Variants in RXFP1 observed in about 807,000 individuals in gnomAD.
RXFP1 encodes the protein relaxin receptor 1.
A neutral mutation model predicts 89.8 loss-of-function variants in RXFP1; 73 were observed. That is an observed-to-expected ratio of 0.81 (90% CI 0.67 to 0.99). RXFP1 has a LOEUF of 0.99. Among genes scored for constraint, RXFP1 ranks in the 50% least tolerant of loss-of-function variants. The pLI is 0.00. For missense variants in RXFP1, 793 were observed against 895.5 expected, an observed-to-expected ratio of 0.89 and a Z score of 1.46; for synonymous variants, 277 against 305.5, an observed-to-expected ratio of 0.91 and a Z score of 0.97.
In RXFP1 at chr4:158,544,867, T is replaced by C. The variant is rs1249134270; in HGVS notation, c.49+22842T>C. Among the ~76,000 whole-genome samples, 6 of 152,370 alleles carry C rather than the reference T, an allele frequency of 3.9e-5. No individual in the cohort carries two copies. The South Asian group carries it at 1.0e-3, about 26-fold the overall frequency. ...TATCATTGATGGACATTTGGGTTGA[T>C]TCCAAGTCCTTGCTATTGTGAATAG... is the stretch of plus-strand genomic sequence containing the variant. On this transcript the variant is annotated intron_variant, in intron 1 of 17. Coordinates refer to ENST00000307765, the MANE Select transcript of RXFP1 (RefSeq NM_021634.4).
intron 8 of RXFP1, among the ~76,000 whole-genome samples, chr4:158,616,625 T>G (rs1764626218): frequency 6.7e-6 from 1 of 149,746 alleles, no homozygotes; most frequent in Admixed American, 6.6e-5. Flanking sequence ...TTGTTAAAAT[T>G]TTATTACTAT....
chr4:158,535,165 A>G (rs891252602), intron 1 of RXFP1, among the ~76,000 whole-genome samples: 1 of 152,072 alleles, frequency 6.6e-6, no homozygotes, highest in Non-Finnish European at 1.5e-5. Context: ...GCGCAAGGTC[A>G]TGGAGACAGG....
rs57989269 is a variant in RXFP1, at chr4:158,638,811, CA to C, written c.1044-433del. Among the ~76,000 whole-genome samples the C allele has an allele frequency of 7.9e-3, 1,009 of 128,028 alleles. 11 individuals carry two copies. Among genetic ancestry groups the C allele is most frequent in the African/African-American group, 0.028 (912 of 33,064 alleles). 84.0% of individuals were successfully genotyped at this position (128,028 alleles called of 152,430 possible). The stretch of plus-strand genomic sequence containing the variant: ...TGGGCAACAGAGGAAGACCCTGTCT[CA>C]AAAAAAAAAAAAAAAGGTAAGCTTC... On this transcript the variant is annotated intron_variant, in intron 13 of 17. Coordinates refer to ENST00000307765, the MANE Select transcript of RXFP1 (RefSeq NM_021634.4).
rs770926999 is a variant in RXFP1, at chr4:158,572,792, C to T, written c.144C>T (p.Asn48=). ...TKCLPQLLHC[N]GVDDCGNQAD... is the part of the protein sequence containing the mutation. Reference sequence around the variant, plus strand: ...GCTTGCCTCAGCTCCTGCACTGTAACGGTGTGGACGACTGCGGGAATCAGG... The same window carrying T: ...GCTTGCCTCAGCTCCTGCACTGTAATGGTGTGGACGACTGCGGGAATCAGG... Residue 48 remains asparagine, a synonymous_variant, in exon 2 of 18, where the codon AAC becomes AAT. Transcript: ENST00000307765. 5 of 1,614,078 alleles carry T rather than the reference C, an allele frequency of 3.1e-6. No homozygotes were observed. Among genetic ancestry groups the T allele is most frequent in the South Asian group, 2.2e-5 (2 of 91,088 alleles).
intron 6 of RXFP1, among the ~76,000 whole-genome samples, chr4:158,610,322 T>A (rs1366551819): frequency 6.6e-6 from 1 of 152,124 alleles, no homozygotes; most frequent in Non-Finnish European, 1.5e-5. Context: ...AAACAATGAT[T>A]AGATCCATAA....
In RXFP1 at chr4:158,544,975, G is replaced by C. The variant is rs554783958; in HGVS notation, c.49+22950G>C. 9.8e-3 allele frequency among the ~76,000 whole-genome samples: 1,492 copies of C among 151,980 alleles called. 24 individuals carry two copies. The highest frequency in any genetic ancestry group is 0.033 in the African/African-American group (1,379 of 41,422). On this transcript the variant is annotated intron_variant, in intron 1 of 17. Coordinates refer to ENST00000307765, the MANE Select transcript of RXFP1 (RefSeq NM_021634.4). ...TGGGTATATACCCAGTAATGGGATG[G>C]CTGGGTCAAATGGTATTTCTAGTTC...
intron 2 of RXFP1, among the ~76,000 whole-genome samples, chr4:158,577,234 T>A (rs988158596): frequency 6.6e-6 from 1 of 152,138 alleles, no homozygotes; most frequent in African/African-American, 2.4e-5. Flanking sequence ...TGATGGGGTT[T>A]CACCATGTTA....
intron 1 of RXFP1, among the ~76,000 whole-genome samples, chr4:158,540,318 C>T (rs1403886994): frequency 6.6e-6 from 1 of 152,050 alleles, no homozygotes; most frequent in East Asian, 1.9e-4. Context: ...CAGGCAATTC[C>T]CAAAACTGAA....
chr4:158,542,293 C>G (rs762846426), intron 1 of RXFP1, among the ~76,000 whole-genome samples: 17 of 151,032 alleles, frequency 1.1e-4, no homozygotes, highest in Non-Finnish European at 2.4e-4. Flanking sequence ...TTGCATTCAG[C>G]GGCCGCAGCT....
At chr4:158,605,210 C>T in intron 5 of RXFP1, 71 bp downstream of exon 5, 1 of 823,466 alleles carries the variant, frequency 1.2e-6, no homozygotes, top group Non-Finnish European at 2.0e-6. Flanking sequence ...CTTCCTACTT[C>T]TGTGAACACC....
At chr4:158,646,024 G>A (rs1176810220) in intron 15 of RXFP1, among the ~76,000 whole-genome samples, 1 of 152,154 alleles carries the variant, frequency 6.6e-6, no homozygotes, top group African/African-American at 2.4e-5. Context: ...GATTTATACA[G>A]TGATGTGATT....
intron 10 of RXFP1, among the ~76,000 whole-genome samples, chr4:158,628,208 G>A (rs570277638): frequency 2.6e-5 from 4 of 152,168 alleles, no homozygotes; most frequent in Admixed American, 1.3e-4. Context: ...GCTAAGAGTG[G>A]ACTTCCTTAG....
At chr4:158,603,762 C>T (rs922806113) in intron 4 of RXFP1, among the ~76,000 whole-genome samples, 23 of 151,666 alleles carry the variant, frequency 1.5e-4, no homozygotes, top group South Asian at 1.2e-3. Flanking sequence ...TGGTGGCGCA[C>T]GCCTGTAATC....
chr4:158,600,735 G>A (rs1761524748), intron 4 of RXFP1, among the ~76,000 whole-genome samples: 1 of 151,992 alleles, frequency 6.6e-6, no homozygotes, highest in Non-Finnish European at 1.5e-5. Context: ...GCTGAGGCAA[G>A]GGGATCACTT....
In RXFP1 at chr4:158,648,618, C is replaced by T; in HGVS notation, c.1876C>T (p.Leu626Phe). ...GAATCAAGTTAAAAAAGAGATGATC[C>T]TTGCCAAACGTTTTTTCTTTATAGT... is the stretch of plus-strand genomic sequence containing the variant. ...IRNQVKKEMI[L>F]AKRFFFIVFT... is the part of the protein sequence containing the mutation. Residue 626 changes from leucine to phenylalanine, a missense_variant, in exon 17 of 18, where the codon CTT (leucine) becomes TTT (phenylalanine). By Grantham distance (22) the Leu-to-Phe change is conservative. Coordinates refer to ENST00000307765, the MANE Select transcript of RXFP1 (RefSeq NM_021634.4). 6.2e-7 allele frequency: 1 copy of T among 1,613,186 alleles called. No individual in the cohort carries two copies. Among genetic ancestry groups the T allele is most frequent in the African/African-American group, 1.3e-5 (1 of 75,016 alleles).
At chr4:158,647,417 T>C (rs1771781291) in intron 16 of RXFP1, among the ~76,000 whole-genome samples, 1 of 152,208 alleles carries the variant, frequency 6.6e-6, no homozygotes, top group South Asian at 2.1e-4. Flanking sequence ...AAGCAACATA[T>C]GTTTTGGCTC....
intron 1 of RXFP1, among the ~76,000 whole-genome samples, chr4:158,522,569 G>A (rs1273909987): frequency 6.6e-6 from 1 of 152,140 alleles, no homozygotes; most frequent in Non-Finnish European, 1.5e-5. Context: ...CACAAAAGAA[G>A]CTCCAAATGG....
chr4:158,615,988 C>T (rs1764488727), intron 8 of RXFP1, among the ~76,000 whole-genome samples: 1 of 152,086 alleles, frequency 6.6e-6, no homozygotes, highest in African/African-American at 2.4e-5. Flanking sequence ...CTGAGAATTA[C>T]CAAAATATGA....
chr4:158,543,746 A>T (rs1486227896), intron 1 of RXFP1: 2 of 983,080 alleles, frequency 2.0e-6, no homozygotes, highest in African/African-American at 3.6e-5. Context: ...GAACTTTCAA[A>T]CTTTTTTATT....
Sources: allele counts gnomAD v4.1 joint callset (sites outside exome capture counted in the v4.1 genomes callset), GRCh38; gene constraint gnomAD v4.1.1; transcripts MANE v1.5; gene names NCBI Gene and HGNC (gene_info 2026-07-23, HGNC 2026-07-21).